MACF1: variants seen among roughly 807,000 people sequenced by gnomAD.
MACF1 encodes microtubule actin crosslinking factor 1, also known as microtubule-actin cross-linking factor 1.
Under a neutral mutation model 854.8 loss-of-function variants are expected in MACF1, and 193 were observed. That is an observed-to-expected ratio of 0.23 (90% CI 0.20 to 0.25). The LOEUF is 0.25. Ranked by LOEUF, MACF1 falls within the 10% of genes least tolerant of loss-of-function variation. The probability of loss-of-function intolerance (pLI) is 1.00; values close to 1 mark genes in which losing one functional copy is unlikely to be tolerated. For missense variants in MACF1, 7,722 were observed against 8,929.1 expected (o/e 0.86, Z 5.45); for synonymous variants, 3,185 against 3,226.7 (o/e 0.99, Z 0.44).
At chr1:39,448,504 G>T in intron 83 of MACF1, 90 bp from the exon 84 acceptor site, 1 of 1,102,792 alleles carries the variant, frequency 9.1e-7, no homozygotes. Context: ...ACTTTATTTG[G>T]TTTCTAGCCT....
chr1:39,439,669 G>A (rs1644059096), intron 72 of MACF1, among the ~76,000 whole-genome samples, 169 bp downstream of exon 72: 1 of 152,184 alleles, frequency 6.6e-6, no homozygotes, highest in South Asian at 2.1e-4. Flanking sequence ...GCAATGGCAT[G>A]ATCTTGACTC....
At chr1:39,364,524 G>A (rs1203264293) in intron 49 of MACF1, among the ~76,000 whole-genome samples, 7 of 149,206 alleles carry the variant, frequency 4.7e-5, no homozygotes, top group Admixed American at 4.0e-4. Flanking sequence ...ACGGAGTCTC[G>A]CTCTGTCGCC....
intron 68 of MACF1, 110 bp downstream of exon 68, chr1:39,433,265 A>T (rs754392924): frequency 1.0e-5 from 6 of 594,594 alleles, no homozygotes; most frequent in Non-Finnish European, 1.2e-5. Context: ...GACTTTTCTT[A>T]TGATTGTTAT....
intron 1 of MACF1, among the ~76,000 whole-genome samples, chr1:39,229,942 C>T (rs1368827761): frequency 6.6e-6 from 1 of 152,110 alleles, no homozygotes; most frequent in African/African-American, 2.4e-5. Context: ...GGGGTTTTAC[C>T]ATGTTGGCCA....
At chr1:39,412,292 A>G in intron 58 of MACF1, 1 of 1,614,040 alleles carries the variant, frequency 6.2e-7, no homozygotes, top group Non-Finnish European at 8.5e-7. Context: ...TATGAATCAA[A>G]TTTACTAACA....
intron 36 of MACF1, chr1:39,328,848 C>T (rs1232325809): frequency 2.0e-5 from 3 of 152,154 alleles, no homozygotes; most frequent in African/African-American, 4.8e-5. Context: ...GCCTATCCTT[C>T]AATTATATGA....
At chr1:39,280,033 T>G (rs1186611567) in intron 6 of MACF1, among the ~76,000 whole-genome samples, 1 of 152,046 alleles carries the variant, frequency 6.6e-6, no homozygotes, top group African/African-American at 2.4e-5. Flanking sequence ...GTAACCTGTC[T>G]ACAGATTCTA....
At chr1:39,128,267 G>A (rs983065519) in intron 2 of MACF1, among the ~76,000 whole-genome samples, 13 of 151,838 alleles carry the variant, frequency 8.6e-5, no homozygotes, top group African/African-American at 2.9e-4. Context: ...CTAGTGTGCA[G>A]TGGCTGTTCA....
Position 39,387,285 on chromosome 1 carries a change from C to A in MACF1, c.14443C>A (p.Gln4815Lys), listed in dbSNP as rs753853721. The part of the protein sequence containing the change: ...LRTWLDDKQS[Q>K]QAKNCPISAK... The stretch of plus-strand genomic sequence containing the variant: ...GACCTGGTTGGATGATAAACAAAGC[C>A]AGCAAGCAAAAAACTGCCCAATTTC... The change falls in exon 58 of 101, where the codon CAG becomes AAG. Residue 4815 changes from glutamine (Q) to lysine (K), a missense_variant. Coordinates refer to ENST00000564288, the MANE Select transcript of MACF1 (RefSeq NM_001394062.1). 3 of 1,614,180 alleles carry A rather than the reference C, an allele frequency of 1.9e-6. No homozygotes were observed. The highest frequency in any genetic ancestry group is 1.7e-6 in the Non-Finnish European group (2 of 1,180,042).
chr1:39,461,939 G>A lies in MACF1; in HGVS notation c.21580G>A (p.Gly7194Arg). 3 of 1,614,072 alleles carry A rather than the reference G, an allele frequency of 1.9e-6. No individual in the cohort carries two copies. Among genetic ancestry groups the A allele is most frequent in the Non-Finnish European group, 2.5e-6 (3 of 1,179,978 alleles). The change falls in exon 93 of 101, where the codon GGG becomes AGG. Residue 7194 changes from glycine to arginine, a missense_variant. Around this residue, in one of 15 missense-constraint regions of MACF1, gnomAD observed 153 missense variants for 342.5 expected, o/e 0.45. Transcript: ENST00000564288. ...TAVADIFDRDGDGYIDYYEFV... is the reference protein window; with the variant it reads ...TAVADIFDRDRDGYIDYYEFV... Reference sequence around the variant, plus strand: ...TGTGGCTGACATTTTCGACCGAGATGGGGATGGTTACATTGATTATTATGA... The same window carrying A: ...TGTGGCTGACATTTTCGACCGAGATAGGGATGGTTACATTGATTATTATGA...
At chr1:39,427,430 C>T in intron 61 of MACF1, 25 bp from the exon 62 acceptor site, 1 of 1,604,480 alleles carries the variant, frequency 6.2e-7, no homozygotes, top group East Asian at 2.2e-5. Flanking sequence ...TCTTCCTGAG[C>T]AGCTTGTTCT....
chr1:39,181,661 C>T (rs1362294858), intron 2 of MACF1, among the ~76,000 whole-genome samples: 1 of 152,080 alleles, frequency 6.6e-6, no homozygotes, highest in Non-Finnish European at 1.5e-5. Context: ...AAACTTACTA[C>T]AAAGCTACAG....
intron 10 of MACF1, 30 bp downstream of exon 10, chr1:39,284,215 A>G (rs1645603699): frequency 1.2e-6 from 2 of 1,606,002 alleles, no homozygotes; most frequent in Non-Finnish European, 8.5e-7. Flanking sequence ...TTTTTTTGGT[A>G]AAATCTTTCT....
At chr1:39,286,465 T>C (rs945899564) in intron 14 of MACF1, among the ~76,000 whole-genome samples, 1 of 151,536 alleles carries the variant, frequency 6.6e-6, no homozygotes, top group Non-Finnish European at 1.5e-5. Context: ...GGCTAGTTTT[T>C]TTTTTCCCCT....
intron 15 of MACF1, among the ~76,000 whole-genome samples, chr1:39,288,433 G>A (rs1306792895): frequency 4.0e-5 from 6 of 151,472 alleles, no homozygotes; most frequent in Non-Finnish European, 7.4e-5. Flanking sequence ...GGGAAGTGAA[G>A]CTTGCAGTGA....
intron 51 of MACF1, among the ~76,000 whole-genome samples, chr1:39,370,527 A>G (rs1182458198): frequency 6.6e-6 from 1 of 152,204 alleles, no homozygotes; most frequent in African/African-American, 2.4e-5. Context: ...GATGGGACCA[A>G]CCTTCCTCCC....
chr1:39,340,045 T>A (rs879887904), intron 38 of MACF1, among the ~76,000 whole-genome samples: 1 of 152,212 alleles, frequency 6.6e-6, no homozygotes, highest in Admixed American at 6.5e-5. Flanking sequence ...CTTTGTATTC[T>A]TTGGTTCCAT....
rs147298400 is a variant in MACF1 at position 39,110,454 on chromosome 1, T to C, written c.220+26016T>C. Reference sequence around the variant, plus strand: ...GGTCTCACTATGTTGCCCAGGCTGGTCTCAACCCCCTGGCCTCAAGTGATC... The same window carrying C: ...GGTCTCACTATGTTGCCCAGGCTGGCCTCAACCCCCTGGCCTCAAGTGATC... On this transcript the variant is annotated intron_variant, in intron 2 of 93. Coordinates refer to the MACF1 transcript ENST00000361689. 5.3e-5 allele frequency among the ~76,000 whole-genome samples: 8 copies of C among 152,098 alleles called. No homozygotes were observed. The East Asian group carries it at 1.4e-3, about 26-fold the overall frequency.
chr1:39,304,704 C>T (rs1463045469), intron 23 of MACF1, among the ~76,000 whole-genome samples: 6 of 151,738 alleles, frequency 4.0e-5, no homozygotes, highest in Middle Eastern at 3.4e-3. Flanking sequence ...GCTGGGACTA[C>T]AGGCGCCCGT....
Sources: gnomAD v4.1 joint callset for allele counts (sites outside exome capture counted in the v4.1 genomes callset) on GRCh38, gnomAD v4.1.1 for gene constraint, gnomAD v4.1.1 regional missense constraint, MANE v1.5 for transcripts, NCBI Gene and HGNC (gene_info 2026-07-23, HGNC 2026-07-21) for gene names.